ENAH: variants seen among roughly 807,000 people sequenced by gnomAD.
The protein encoded by ENAH is ENAH actin regulator.
In ENAH, 23 loss-of-function variants were observed where a neutral mutation model predicts 78.7. The ratio of observed to expected loss-of-function variants is 0.29; its 90% CI spans 0.21 to 0.41. ENAH has a LOEUF of 0.41. ENAH is among the 10% of genes least tolerant of loss of function. ENAH has a pLI of 1.00. For missense variants in ENAH, 544 were observed against 691.0 expected (o/e 0.79, Z 2.39); for synonymous variants, 226 against 241.0 (o/e 0.94, Z 0.58).
intron 4 of ENAH, among the ~76,000 whole-genome samples, chr1:225,521,528 C>G (rs1433269727): frequency 6.6e-6 from 1 of 151,304 alleles, no homozygotes; most frequent in African/African-American, 2.4e-5. Flanking sequence ...GTAATCCCAG[C>G]TACTTGGGAG....
intron 1 of ENAH, chr1:225,581,148 A>G (rs1197875745): frequency 2.2e-6 from 1 of 447,650 alleles, no homozygotes; most frequent in East Asian, 1.6e-4. Context: ...AAAAAAAAGA[A>G]AAATGTGGGA....
At chr1:225,541,646 A>G (rs1339820856) in intron 3 of ENAH, among the ~76,000 whole-genome samples, 2 of 152,236 alleles carry the variant, frequency 1.3e-5, no homozygotes, top group Non-Finnish European at 2.9e-5. Context: ...AAGTTTAAAA[A>G]TATCCCAATG....
At position 225,491,848 on chromosome 1, in the gene ENAH, C is replaced by T. The variant is rs1382695741; in HGVS notation, c.*5927G>A. The T allele has an allele frequency of 6.6e-6, 1 of 152,212 alleles. No individual in the cohort carries two copies. The highest frequency in any genetic ancestry group is 6.5e-5 in the Admixed American group (1 of 15,280). 9.4% of individuals were successfully genotyped at this position (152,212 alleles called of 1,614,324 possible). On this transcript the variant is annotated 3_prime_UTR_variant, in exon 14 of 14. Coordinates refer to ENST00000366843, the MANE Select transcript of ENAH (RefSeq NM_018212.6). ...AAAACCCAACCAAACCAACCTATAA[C>T]ATCATCCATCTCCTTTATTAGTTAT... is the stretch of plus-strand genomic sequence containing the variant.
chr1:225,553,587 AG>A (rs977721442), intron 3 of ENAH, among the ~76,000 whole-genome samples: 1 of 152,050 alleles, frequency 6.6e-6, no homozygotes, highest in Non-Finnish European at 1.5e-5. Context: ...AAAAAAAAAA[AG>A]AATCACAATT....
intron 3 of ENAH, among the ~76,000 whole-genome samples, chr1:225,544,251 TAA>T (rs1337509178): frequency 6.6e-6 from 1 of 152,206 alleles, no homozygotes; most frequent in African/African-American, 2.4e-5. Context: ...CAATAAAGGA[TAA>T]AAATTCATGA....
At position 225,508,004 on chromosome 1, in the gene ENAH, T is replaced by C. The variant is rs1411288896; in HGVS notation, c.1485A>G (p.Lys495=). ...TCATTGTATTTGTTCTTTCCCAAGG[T>C]TTTCTTGTTGGTTCTTTAAAAATAA... ...SSTSTPEPTR[K]PWERTNTMNG... The change falls in exon 11 of 14, where the codon AAA becomes AAG. Residue 495 remains lysine (K), a synonymous_variant. Transcript: ENST00000366843. 1 of 1,554,826 alleles carries C rather than the reference T, an allele frequency of 6.4e-7. No individual in the cohort carries two copies. Among genetic ancestry groups the C allele is most frequent in the East Asian group, 2.3e-5 (1 of 43,150 alleles).
Position 225,652,864 on chromosome 1 carries a change from C to T in ENAH, c.-174G>A. On this transcript the variant is annotated 5_prime_UTR_variant, in exon 1 of 14. Coordinates refer to ENST00000366843, the MANE Select transcript of ENAH (RefSeq NM_018212.6). ...ATCTCCTCGCACAAAGCCGAGGCGC[C>T]GGCCGGGAGTGTGGGAGAAGAGGGC... 1 of 430,348 alleles carries T rather than the reference C, an allele frequency of 2.3e-6. No individual in the cohort carries two copies. Among genetic ancestry groups the T allele is most frequent in the Non-Finnish European group, 3.9e-6 (1 of 255,940 alleles). 26.7% of individuals were successfully genotyped at this position (430,348 alleles called of 1,614,324 possible).
chr1:225,521,507 G>A (rs1462645341), intron 4 of ENAH, among the ~76,000 whole-genome samples: 2 of 151,886 alleles, frequency 1.3e-5, no homozygotes, highest in Non-Finnish European at 2.9e-5. Context: ...TGGGCGTGGT[G>A]GTGTGCGCCT....
intron 1 of ENAH, among the ~76,000 whole-genome samples, chr1:225,641,325 G>C (rs547653287): frequency 6.7e-6 from 1 of 150,014 alleles, no homozygotes; most frequent in South Asian, 2.2e-4. Flanking sequence ...TTTTTTTAAA[G>C]GTACCATGTC....
At chr1:225,512,164 G>A (rs866599417) in intron 9 of ENAH, among the ~76,000 whole-genome samples, 2 of 152,190 alleles carry the variant, frequency 1.3e-5, no homozygotes, top group East Asian at 3.8e-4. Flanking sequence ...GATGGAGCAG[G>A]GGGAACATAT....
At chr1:225,526,838 T>C (rs780805048) in intron 4 of ENAH, among the ~76,000 whole-genome samples, 22 of 152,224 alleles carry the variant, frequency 1.4e-4, no homozygotes, top group Non-Finnish European at 2.6e-4. Context: ...TTCATACAAT[T>C]TCAACTCTTT....
intron 3 of ENAH, among the ~76,000 whole-genome samples, chr1:225,548,534 T>G (rs184402180): frequency 1.3e-5 from 2 of 152,350 alleles, no homozygotes; most frequent in African/African-American, 4.8e-5. Context: ...TAAAAATGCT[T>G]TGAAGATCTT....
intron 1 of ENAH, among the ~76,000 whole-genome samples, chr1:225,615,367 T>G (rs1411365514): frequency 1.3e-5 from 2 of 152,094 alleles, no homozygotes; most frequent in African/African-American, 2.4e-5. Context: ...CAGGCTGGAG[T>G]GCAGTGGCGT....
intron 11 of ENAH, among the ~76,000 whole-genome samples, chr1:225,504,085 C>A (rs967263079): frequency 6.6e-6 from 1 of 151,710 alleles, no homozygotes; most frequent in African/African-American, 2.4e-5. Flanking sequence ...TGGCTCACTG[C>A]AGCCTCTAAC....
At chr1:225,560,328 C>T (rs896198619) in intron 2 of ENAH, among the ~76,000 whole-genome samples, 2 of 151,892 alleles carry the variant, frequency 1.3e-5, no homozygotes, top group Non-Finnish European at 2.9e-5. Context: ...CCTGTCTCTA[C>T]TAAAAATACA....
At chr1:225,547,753 C>T (rs1039528103) in intron 3 of ENAH, among the ~76,000 whole-genome samples, 1 of 152,182 alleles carries the variant, frequency 6.6e-6, no homozygotes, top group Non-Finnish European at 1.5e-5. Flanking sequence ...ATTCTTCCCA[C>T]TTTTTGTACA....
intron 1 of ENAH, among the ~76,000 whole-genome samples, chr1:225,620,343 T>C (rs1358544983): frequency 6.6e-6 from 1 of 151,758 alleles, no homozygotes; most frequent in Non-Finnish European, 1.5e-5. Flanking sequence ...CTGGCCAACA[T>C]GGTGAAACCC....
At chr1:225,541,506 A>T (rs2096588560) in intron 3 of ENAH, among the ~76,000 whole-genome samples, 1 of 152,126 alleles carries the variant, frequency 6.6e-6, no homozygotes, top group African/African-American at 2.4e-5. Context: ...ATATACTAAA[A>T]CCACTGAATT....
chr1:225,635,142 C>A (rs1354205711), intron 1 of ENAH, among the ~76,000 whole-genome samples: 2 of 152,112 alleles, frequency 1.3e-5, no homozygotes, highest in Non-Finnish European at 2.9e-5. Flanking sequence ...GTGTACAAGT[C>A]TTTTACTTCC....
Sources: allele counts gnomAD v4.1 joint callset (sites outside exome capture counted in the v4.1 genomes callset), GRCh38; gene constraint gnomAD v4.1.1; transcripts MANE v1.5; gene names NCBI Gene and HGNC (gene_info 2026-07-23, HGNC 2026-07-21).